The following ARAP2 variants were observed in gnomAD, a reference collection of about 807,000 sequenced individuals.
The protein encoded by ARAP2 is arf-GAP with Rho-GAP domain, ANK repeat and PH domain-containing protein 2.
In ARAP2, 148 loss-of-function variants were observed where a neutral mutation model predicts 194.5. The ratio of observed to expected loss-of-function variants is 0.76; its 90% CI spans 0.67 to 0.87. The LOEUF is 0.87. Among genes scored for constraint, ARAP2 ranks in the 40% least tolerant of loss-of-function variants. The probability of loss-of-function intolerance (pLI) is 0.00; values close to 1 mark genes in which losing one functional copy is unlikely to be tolerated. For synonymous variants in ARAP2, 695 were observed against 683.5 expected, an observed-to-expected ratio of 1.02 and a Z score of -0.26; for missense variants, 2,128 against 1,989.7, an observed-to-expected ratio of 1.07 and a Z score of -1.32.
chr4:36,146,059 C>T lies in ARAP2; in HGVS notation c.3263+1237G>A, dbSNP rs556509965. 2.0e-5 allele frequency among the ~76,000 whole-genome samples: 3 copies of T among 152,114 alleles called. No homozygotes were observed. The South Asian group carries it at 6.2e-4, about 32-fold the overall frequency. ...TCTTAAACTTACTAATATCCTACAC[C>T]TCTATTCTCCAAGAATTTGTTCTCT... is the stretch of plus-strand genomic sequence containing the variant. On this transcript the variant is annotated intron_variant, in intron 19 of 32. Coordinates refer to ENST00000303965, the MANE Select transcript of ARAP2 (RefSeq NM_015230.4).
intron 2 of ARAP2, among the ~76,000 whole-genome samples, chr4:36,053,163 C>T (rs553568322): frequency 6.6e-6 from 1 of 151,856 alleles, no homozygotes; most frequent in Non-Finnish European, 1.5e-5. Context: ...CCTGCCACCA[C>T]GCCTGGATAA....
In ARAP2 at chr4:36,229,093, C is replaced by A. The variant is rs1349110717; in HGVS notation, c.394G>T (p.Ala132Ser). 1 of 1,614,018 alleles carries A rather than the reference C, an allele frequency of 6.2e-7. No homozygotes were observed. Among genetic ancestry groups the A allele is most frequent in the East Asian group, 2.2e-5 (1 of 44,880 alleles). ...TVRKNLEDSD[A>S]SVERSQYPQS... ...GGATACTGGCTTCTTTCCACACTTG[C>A]ATCACTGTCTTCAAGATTTTTTCTA... is the stretch of plus-strand genomic sequence containing the variant. Residue 132 changes from alanine (A) to serine (S), a missense_variant, in exon 2 of 33, where the codon GCA becomes TCA. By Grantham distance (99) the Ala-to-Ser change is moderately conservative (BLOSUM62 1). Transcript: ENST00000303965.
chr4:36,085,198 T>G (rs1730530619), intron 28 of ARAP2, among the ~76,000 whole-genome samples: 1 of 152,092 alleles, frequency 6.6e-6, no homozygotes, highest in Non-Finnish European at 1.5e-5. Flanking sequence ...CCTAGCTCAT[T>G]GTTTACCTTA....
chr4:36,144,680 A>G (rs557177007), intron 19 of ARAP2, among the ~76,000 whole-genome samples: 19 of 152,086 alleles, frequency 1.2e-4, no homozygotes, highest in African/African-American at 4.6e-4. Flanking sequence ...ATAACCACTG[A>G]AAGTCATTAT....
rs756011111 is a variant in ARAP2, at chr4:36,091,873, T to C, written c.4425+8A>G. Reference sequence around the variant, plus strand: ...AAATAAAAATGTACGCATGTTCAAATACTATACCTTCACATCCTTGTAAAG... The same window carrying C: ...AAATAAAAATGTACGCATGTTCAAACACTATACCTTCACATCCTTGTAAAG... On this transcript the variant is annotated splice_region_variant and intron_variant, in intron 28 of 32. Transcript: ENST00000303965. 6.3e-7 allele frequency: 1 copy of C among 1,587,414 alleles called. No individual in the cohort carries two copies. Among genetic ancestry groups the C allele is most frequent in the East Asian group, 2.3e-5 (1 of 44,274 alleles).
At chr4:36,112,039 C>T (rs1022009601) in intron 26 of ARAP2, among the ~76,000 whole-genome samples, 2 of 151,926 alleles carry the variant, frequency 1.3e-5, no homozygotes, top group African/African-American at 4.8e-5. Context: ...GCCCTGAGAT[C>T]TCTTCATGGT....
intron 19 of ARAP2, among the ~76,000 whole-genome samples, chr4:36,134,320 C>T (rs191064823): frequency 6.6e-6 from 1 of 151,728 alleles, no homozygotes; most frequent in African/African-American, 2.4e-5. Flanking sequence ...AAATTTTCCA[C>T]GTACCCCACG....
chr4:36,071,659 T>A (rs2109310206), intron 32 of ARAP2, among the ~76,000 whole-genome samples: 1 of 151,298 alleles, frequency 6.6e-6, no homozygotes, highest in East Asian at 1.9e-4. Flanking sequence ...TTTATTAATA[T>A]ATAATACTTA....
intron 21 of ARAP2, among the ~76,000 whole-genome samples, chr4:36,125,525 A>C (rs1723673912): frequency 6.6e-6 from 1 of 152,004 alleles, no homozygotes; most frequent in Admixed American, 6.6e-5. Flanking sequence ...TGAAAAGTTG[A>C]GAGTGCAATG....
In ARAP2 at chr4:36,066,387, T is replaced by G. The variant is rs768698115; in HGVS notation, c.*1520A>C. On this transcript the variant is annotated 3_prime_UTR_variant, in exon 33 of 33. Coordinates refer to ENST00000303965, the MANE Select transcript of ARAP2 (RefSeq NM_015230.4). ...TTTGTGCTTTTTAAAAATTCTAATT[T>G]ACTTTGATTTAAAGAATAAATATCT... 2 of 152,164 alleles carry G rather than the reference T, an allele frequency of 1.3e-5. No homozygotes were observed. Among genetic ancestry groups the G allele is most frequent in the Non-Finnish European group, 2.9e-5 (2 of 68,032 alleles). 9.4% of individuals were successfully genotyped at this position (152,164 alleles called of 1,614,324 possible). A position where few individuals can be genotyped will look rare whatever the true frequency, so the allele number is the denominator to read the frequency against.
chr4:36,079,723 C>T (rs773049249), intron 31 of ARAP2, among the ~76,000 whole-genome samples: 4 of 152,260 alleles, frequency 2.6e-5, no homozygotes, highest in Non-Finnish European at 5.9e-5. Flanking sequence ...CCAAAAACAT[C>T]TTGTATGGTT....
In ARAP2 at chr4:36,107,690, C is replaced by CGG. The variant is rs1560445068; in HGVS notation, c.4159_4160insCC (p.Arg1387ProfsTer20). The CGG allele has an allele frequency of 6.3e-7, 1 of 1,590,094 alleles. No homozygotes were observed. The highest frequency in any genetic ancestry group is 1.8e-5 in the Admixed American group (1 of 55,226). On this transcript the variant is annotated frameshift_variant, in exon 27 of 33. Coordinates refer to ENST00000303965, the MANE Select transcript of ARAP2 (RefSeq NM_015230.4). LOFTEE classifies it high-confidence loss of function. ...TACATTTTCCTTGTAGTGAAGAGGA[C>CGG]GCTCTGTAAAAAATAAATTCCAAAT...
In ARAP2 at chr4:36,016,386, G is replaced by A. The variant is rs151017082; in HGVS notation, n.751-428C>T. On this transcript the variant is annotated intron_variant and non_coding_transcript_variant, in intron 6 of 12. Coordinates refer to the ARAP2 transcript ENST00000503225. ...AGTAGAGATTTCCACTGTGTTTAAC[G>A]TGTTGCTTCTTAATATATATCTAAA... Among the ~76,000 whole-genome samples, 1,298 of 152,172 alleles carry A rather than the reference G, an allele frequency of 8.5e-3. 28 individuals are homozygous for A. Among genetic ancestry groups the A allele is most frequent in the African/African-American group, 0.03 (1,232 of 41,522 alleles).
At chr4:36,189,405 T>C (rs1246731081) in intron 7 of ARAP2, among the ~76,000 whole-genome samples, 1 of 152,176 alleles carries the variant, frequency 6.6e-6, no homozygotes, top group Non-Finnish European at 1.5e-5. Flanking sequence ...CATCTCTCTG[T>C]GTTGGAAACA....
chr4:36,198,001 C>T (rs1743512257), intron 6 of ARAP2, among the ~76,000 whole-genome samples: 1 of 152,156 alleles, frequency 6.6e-6, no homozygotes, highest in South Asian at 2.1e-4. Context: ...GTGTTTCAGC[C>T]CTGTTTGTGT....
chr4:36,059,364 A>G lies in ARAP2; in HGVS notation n.148-1221T>C, dbSNP rs17515210. Among the ~76,000 whole-genome samples, 1,317 of 152,264 alleles carry G rather than the reference A, an allele frequency of 8.6e-3. 14 individuals carry two copies. The highest frequency in any genetic ancestry group is 0.011 in the Non-Finnish European group (780 of 68,016). ...TTTGCCATAATTCAGAAAAGATATA[A>G]TCAACGGCAGAGTGTAAAAGTGTGG... On this transcript the variant is annotated intron_variant and non_coding_transcript_variant, in intron 1 of 12. Transcript: ENST00000503225.
chr4:36,146,331 C>G (rs749935878), intron 19 of ARAP2, among the ~76,000 whole-genome samples: 16 of 152,032 alleles, frequency 1.1e-4, no homozygotes, highest in Non-Finnish European at 1.9e-4. Flanking sequence ...AAACATAAAT[C>G]AGACCATTCC....
At chr4:36,005,523 T>C (rs1560247997) in intron 10 of ARAP2, 1 of 152,138 alleles carries the variant, frequency 6.6e-6, no homozygotes, top group Admixed American at 6.6e-5. Flanking sequence ...AAATGTACAA[T>C]ACACCTAAAT....
intron 8 of ARAP2, among the ~76,000 whole-genome samples, chr4:36,179,024 C>T (rs1265917066): frequency 6.6e-6 from 1 of 152,102 alleles, no homozygotes; most frequent in Non-Finnish European, 1.5e-5. Flanking sequence ...TCAATGAATA[C>T]ATTTATAACT....
Sources: allele counts gnomAD v4.1 joint callset (sites outside exome capture counted in the v4.1 genomes callset), GRCh38; gene constraint gnomAD v4.1.1; transcripts MANE v1.5; gene names NCBI Gene and HGNC (gene_info 2026-07-23, HGNC 2026-07-21).